The following ATP8A2 variants were observed in gnomAD, a reference collection of about 807,000 sequenced individuals.
ATP8A2 encodes ATPase phospholipid transporting 8A2, also known as phospholipid-transporting ATPase IB.
A neutral mutation model predicts 165.6 loss-of-function variants in ATP8A2; 100 were observed. That is an observed-to-expected ratio of 0.60 (90% CI 0.51 to 0.71). The LOEUF (loss-of-function observed/expected upper bound fraction) is 0.71, where lower values mean the gene tolerates loss of function less well. Ranked by LOEUF, ATP8A2 falls within the 30% of genes least tolerant of loss-of-function variation. The probability of loss-of-function intolerance (pLI) is 0.00; values close to 1 mark genes in which losing one functional copy is unlikely to be tolerated. For synonymous variants in ATP8A2, 543 were observed against 548.8 expected (o/e 0.99, Z 0.15); for missense variants, 1,227 against 1,479.5 (o/e 0.83, Z 2.80).
chr13:25,466,058 C>T (rs1048210151), intron 1 of ATP8A2, among the ~76,000 whole-genome samples: 3 of 152,092 alleles, frequency 2.0e-5, no homozygotes, highest in Admixed American at 6.5e-5. Flanking sequence ...AAATTCTCCT[C>T]TTCTGCTCTT....
chr13:25,748,027 A>G (rs1185749810), intron 25 of ATP8A2, among the ~76,000 whole-genome samples: 1 of 152,220 alleles, frequency 6.6e-6, no homozygotes, highest in South Asian at 2.1e-4. Context: ...TTTGTAGTTC[A>G]TTCTGATTTA....
chr13:25,583,443 G>T (rs1330846044), intron 23 of ATP8A2, among the ~76,000 whole-genome samples: 1 of 152,104 alleles, frequency 6.6e-6, no homozygotes, highest in East Asian at 1.9e-4. Flanking sequence ...TAGTTTTCCA[G>T]ATCTTGAGCG....
chr13:25,592,800 A>C (rs1248235632), intron 24 of ATP8A2, among the ~76,000 whole-genome samples: 1 of 152,134 alleles, frequency 6.6e-6, no homozygotes, highest in African/African-American at 2.4e-5. Flanking sequence ...ACCTAGACCA[A>C]AGAGTGGTTT....
rs1957119817 is a variant in ATP8A2, at chr13:26,023,822, AG to A, written c.*3839del. 1 of 152,230 alleles carries A rather than the reference AG, an allele frequency of 6.6e-6. No homozygotes were observed. Among genetic ancestry groups the A allele is most frequent in the African/African-American group, 2.4e-5 (1 of 41,452 alleles). The allele number at this position is 152,230 out of a possible 1,614,324, so 9.4% of individuals were successfully genotyped here. On this transcript the variant is annotated 3_prime_UTR_variant, in exon 37 of 37. Coordinates refer to ENST00000381655, the MANE Select transcript of ATP8A2 (RefSeq NM_016529.6). ...AGGGTCATCGTCTCAAAGTAATTCA[AG>A]GAGTGATTTAACATCAGCATTTGAA...
chr13:25,428,783 G>C (rs1322727310), intron 1 of ATP8A2, among the ~76,000 whole-genome samples: 1 of 152,204 alleles, frequency 6.6e-6, no homozygotes, highest in Non-Finnish European at 1.5e-5. Flanking sequence ...TGGGACCCCA[G>C]GGTCTTTCCA....
At chr13:25,709,121 GAGAGACAGAC>G in intron 25 of ATP8A2, among the ~76,000 whole-genome samples, 1 of 141,086 alleles carries the variant, frequency 7.1e-6, no homozygotes, top group Non-Finnish European at 1.6e-5. Context: ...CAGACAGACA[GAGAGACAGAC>G]AGACACCCCC....
chr13:25,526,895 C>G (rs1168723036), intron 2 of ATP8A2, among the ~76,000 whole-genome samples: 1 of 152,166 alleles, frequency 6.6e-6, no homozygotes, highest in Non-Finnish European at 1.5e-5. Context: ...GGGGAAGCTG[C>G]CCGTCACCTT....
At chr13:25,512,078 G>C (rs1461169609) in intron 2 of ATP8A2, among the ~76,000 whole-genome samples, 1 of 151,572 alleles carries the variant, frequency 6.6e-6, no homozygotes, top group Non-Finnish European at 1.5e-5. Flanking sequence ...TTAGGGAGTG[G>C]TGATGACTCT....
At chr13:25,388,477 G>C (rs2033133834) in intron 1 of ATP8A2, among the ~76,000 whole-genome samples, 1 of 152,214 alleles carries the variant, frequency 6.6e-6, no homozygotes, top group African/African-American at 2.4e-5. Flanking sequence ...CTCTAAGGGG[G>C]TCCGTGTGAG....
At chr13:25,839,472 G>GAA in intron 29 of ATP8A2, 74 bp from the exon 30 acceptor site, 6 of 986,912 alleles carry the variant, frequency 6.1e-6, no homozygotes, top group Non-Finnish European at 9.9e-6. Context: ...TTCACAATGT[G>GAA]GCGTTTGTTG....
At chr13:25,542,345 A>G (rs576502909) in intron 9 of ATP8A2, among the ~76,000 whole-genome samples, 1 of 152,004 alleles carries the variant, frequency 6.6e-6, no homozygotes, top group East Asian at 1.9e-4. Context: ...TGAGGTGTAT[A>G]CAAGCTAATA....
At chr13:25,989,882 T>C (rs1030867827) in intron 35 of ATP8A2, among the ~76,000 whole-genome samples, 14 of 152,258 alleles carry the variant, frequency 9.2e-5, no homozygotes, top group African/African-American at 3.4e-4. Context: ...CTCAGCCACA[T>C]TGTGCCTCTG....
intron 35 of ATP8A2, among the ~76,000 whole-genome samples, chr13:25,992,247 CA>C (rs1243022961): frequency 4.8e-5 from 7 of 145,620 alleles, no homozygotes; most frequent in African/African-American, 1.8e-4. Context: ...TAATTTTAGC[CA>C]TAGGGATTGC....
intron 25 of ATP8A2, among the ~76,000 whole-genome samples, chr13:25,759,119 T>C (rs981800366): frequency 1.3e-5 from 2 of 152,154 alleles, no homozygotes; most frequent in African/African-American, 4.8e-5. Flanking sequence ...GCCATTGCTG[T>C]CCCTGTGGCT....
At chr13:25,594,984 G>GTGTGTATA (rs150738527) in intron 24 of ATP8A2, among the ~76,000 whole-genome samples, 5 of 142,818 alleles carry the variant, frequency 3.5e-5, no homozygotes, top group African/African-American at 1.3e-4. Flanking sequence ...GTGTGTGTGT[G>GTGTGTATA]TATATATATA....
intron 30 of ATP8A2, among the ~76,000 whole-genome samples, chr13:25,847,997 A>G (rs1951909163): frequency 6.6e-6 from 1 of 152,034 alleles, no homozygotes; most frequent in South Asian, 2.1e-4. Context: ...CCATTGTACA[A>G]TCCTAAGTGT....
At chr13:25,670,987 G>C (rs1485578331) in intron 24 of ATP8A2, among the ~76,000 whole-genome samples, 3 of 152,204 alleles carry the variant, frequency 2.0e-5, no homozygotes, top group African/African-American at 7.2e-5. Flanking sequence ...GCAGCCTCTG[G>C]ACAGGTATAG....
intron 33 of ATP8A2, chr13:25,871,166 A>T: frequency 2.5e-6 from 1 of 395,688 alleles, no homozygotes; most frequent in South Asian, 1.9e-5. Context: ...ATTCATTCTG[A>T]TGTTAATTTT....
chr13:25,448,861 C>T (rs2035138367), intron 1 of ATP8A2, among the ~76,000 whole-genome samples: 1 of 152,226 alleles, frequency 6.6e-6, no homozygotes, highest in African/African-American at 2.4e-5. Context: ...GAAGGGATTT[C>T]ACCATGTTAG....
Sources: allele counts gnomAD v4.1 joint callset (sites outside exome capture counted in the v4.1 genomes callset), GRCh38; gene constraint gnomAD v4.1.1; transcripts MANE v1.5; gene names NCBI Gene and HGNC (gene_info 2026-07-23, HGNC 2026-07-21).